The following PBLD variants were observed in gnomAD, a reference collection of about 807,000 sequenced individuals.
PBLD encodes the protein phenazine biosynthesis-like domain-containing protein.
A neutral mutation model predicts 31.3 loss-of-function variants in PBLD; 26 were observed. The observed-to-expected ratio is 0.83, with a 90% CI of 0.61 to 1.15. The LOEUF (loss-of-function observed/expected upper bound fraction) is 1.15. Ranked by LOEUF, PBLD falls within the 50% of genes most tolerant of loss-of-function variation. The pLI is 0.00. For missense variants in PBLD, 307 were observed against 351.7 expected (o/e 0.87, Z 1.02); for synonymous variants, 114 against 129.0 (o/e 0.88, Z 0.79).
chr10:68,331,878 G>A (rs1031389906), intron 1 of PBLD: 5 of 152,368 alleles, frequency 3.3e-5, no homozygotes, highest in Non-Finnish European at 5.9e-5. Context: ...CTCTTTAACT[G>A]GAACAGCCTC....
intron 1 of PBLD, among the ~76,000 whole-genome samples, chr10:68,312,349 A>G (rs2044680242): frequency 6.6e-6 from 1 of 152,112 alleles, no homozygotes; most frequent in African/African-American, 2.4e-5. Context: ...AACACTTGTT[A>G]TCTTGTGTTT....
intron 2 of PBLD, among the ~76,000 whole-genome samples, chr10:68,303,738 C>T (rs547392037): frequency 9.9e-5 from 15 of 152,154 alleles, no homozygotes; most frequent in Non-Finnish European, 1.6e-4. Flanking sequence ...CAAAGCACCA[C>T]GACCTAGTCT....
At position 68,318,171 on chromosome 10, in the gene PBLD, G is replaced by A. The variant is rs551324163; in HGVS notation, c.-59-11268C>T. 1.5e-4 allele frequency among the ~76,000 whole-genome samples: 23 copies of A among 151,988 alleles called. No homozygotes were observed. The South Asian group carries it at 4.8e-3, about 32-fold the overall frequency. ...GAACCTGGGAGGCGGAGTTTGCAGT[G>A]AGCCGAGATCAAGCCACTGCACTCC... On this transcript the variant is annotated intron_variant, in intron 1 of 9. Coordinates refer to ENST00000358769, the MANE Select transcript of PBLD (RefSeq NM_022129.4).
intron 2 of PBLD, among the ~76,000 whole-genome samples, chr10:68,303,790 G>T (rs2044540445): frequency 6.7e-6 from 1 of 148,966 alleles, no homozygotes; most frequent in African/African-American, 2.5e-5. Context: ...CTCTCATCCT[G>T]GTCAAATTTT....
chr10:68,290,728 A>T (rs563584069), intron 6 of PBLD, among the ~76,000 whole-genome samples: 1 of 152,220 alleles, frequency 6.6e-6, no homozygotes, highest in African/African-American at 2.4e-5. Context: ...AATAAAAAAA[A>T]AGGTTTAATT....
At chr10:68,325,642 A>G (rs1233427324) in intron 1 of PBLD, among the ~76,000 whole-genome samples, 1 of 152,256 alleles carries the variant, frequency 6.6e-6, no homozygotes, top group Non-Finnish European at 1.5e-5. Flanking sequence ...GGTAGCACAC[A>G]AACTTCTCCA....
chr10:68,309,471 A>G (rs2044631658), intron 1 of PBLD, among the ~76,000 whole-genome samples: 1 of 149,270 alleles, frequency 6.7e-6, no homozygotes, highest in Non-Finnish European at 1.5e-5. Context: ...CTTCCGCCTC[A>G]AAACGAGGCT....
intron 2 of PBLD, among the ~76,000 whole-genome samples, chr10:68,297,960 A>T (rs576114686): frequency 0.025 from 204 of 8,158 alleles, 2 homozygotes; most frequent in African/African-American, 0.039. Context: ...AGATTTAAAT[A>T]AAAAAAAAAA....
At chr10:68,331,472 G>A (rs1461300462) in intron 1 of PBLD, 1 of 152,330 alleles carries the variant, frequency 6.6e-6, no homozygotes, top group Non-Finnish European at 1.5e-5. Context: ...AAGCGCGCTG[G>A]CGGGCGGCCA....
intron 1 of PBLD, among the ~76,000 whole-genome samples, chr10:68,318,987 T>A (rs571349702): frequency 4.2e-5 from 5 of 118,570 alleles, no homozygotes; most frequent in Admixed American, 9.6e-5. Context: ...AGGAAGGAAG[T>A]TAGGAAAGAA....
chr10:68,307,172 G>A (rs771640777), intron 1 of PBLD, among the ~76,000 whole-genome samples: 5 of 151,960 alleles, frequency 3.3e-5, no homozygotes, highest in Non-Finnish European at 5.9e-5. Flanking sequence ...TGGAATTACA[G>A]GCACCTGCCA....
intron 1 of PBLD, among the ~76,000 whole-genome samples, chr10:68,319,707 A>G (rs1260004517): frequency 6.6e-6 from 1 of 152,172 alleles, no homozygotes; most frequent in East Asian, 1.9e-4. Flanking sequence ...GGCGACAGAC[A>G]AAGACTCCAT....
At chr10:68,313,613 G>C (rs945241545) in intron 1 of PBLD, among the ~76,000 whole-genome samples, 1 of 152,054 alleles carries the variant, frequency 6.6e-6, no homozygotes, top group Non-Finnish European at 1.5e-5. Context: ...CTAAAATTTA[G>C]GATTCTCATA....
intron 2 of PBLD, among the ~76,000 whole-genome samples, chr10:68,305,740 A>C (rs891076165): frequency 6.6e-6 from 1 of 152,036 alleles, no homozygotes; most frequent in African/African-American, 2.4e-5. Flanking sequence ...GGGCAACAAG[A>C]GCGGAACTCC....
chr10:68,315,310 C>A (rs2044722564), intron 1 of PBLD, among the ~76,000 whole-genome samples: 1 of 152,078 alleles, frequency 6.6e-6, no homozygotes, highest in Non-Finnish European at 1.5e-5. Flanking sequence ...GATGACCAGG[C>A]ATGGTGGCTT....
At chr10:68,293,056 T>C (rs1589650680) in intron 4 of PBLD, among the ~76,000 whole-genome samples, 2 of 152,172 alleles carry the variant, frequency 1.3e-5, no homozygotes, top group Admixed American at 6.5e-5. Flanking sequence ...AGACAGGGTC[T>C]CACTATGTTG....
At chr10:68,318,790 G>T (rs56185265) in intron 1 of PBLD, among the ~76,000 whole-genome samples, 25,618 of 151,562 alleles carry the variant, frequency 0.17, 2,559 homozygotes, top group African/African-American at 0.25. Context: ...AGTGAGTTGG[G>T]TGCAGTGGCT....
chr10:68,331,631 T>G (rs1341050836), intron 1 of PBLD: 1 of 152,254 alleles, frequency 6.6e-6, no homozygotes, highest in Non-Finnish European at 1.5e-5. Context: ...GCCCCGCGTT[T>G]GCCGGTCGAA....
chr10:68,317,180 C>A (rs571016157), intron 1 of PBLD, among the ~76,000 whole-genome samples: 1 of 152,318 alleles, frequency 6.6e-6, no homozygotes, highest in East Asian at 1.9e-4. Flanking sequence ...AAAAGAACAA[C>A]TGTCAACCAA....
Sources: gnomAD v4.1 joint callset for allele counts (sites outside exome capture counted in the v4.1 genomes callset) on GRCh38, gnomAD v4.1.1 for gene constraint, MANE v1.5 for transcripts, NCBI Gene and HGNC (gene_info 2026-07-23, HGNC 2026-07-21) for gene names.